MROH2A: variants seen among roughly 807,000 people sequenced by gnomAD.
MROH2A encodes the protein maestro heat like repeat family member 2A.
Under a neutral mutation model 200.4 loss-of-function variants are expected in MROH2A, and 174 were observed. That is an observed-to-expected ratio of 0.87 (90% CI 0.77 to 0.98). The LOEUF is 0.98. Among genes scored for constraint, MROH2A ranks in the 50% least tolerant of loss-of-function variants. MROH2A has a pLI of 0.00. For synonymous variants in MROH2A, 829 were observed against 840.4 expected (o/e 0.99, Z 0.23); for missense variants, 2,045 against 2,139.6 (o/e 0.96, Z 0.87).
intron 35 of MROH2A, 116 bp downstream of exon 35, chr2:233,823,780 C>T: frequency 7.5e-7 from 1 of 1,341,570 alleles, no homozygotes; most frequent in South Asian, 1.4e-5. Flanking sequence ...GGCGAGCGCC[C>T]CTCCTCTGAG....
At chr2:233,798,268 T>C (rs907115250) in intron 11 of MROH2A, among the ~76,000 whole-genome samples, 3 of 152,322 alleles carry the variant, frequency 2.0e-5, no homozygotes, top group Admixed American at 2.0e-4. Context: ...CTGTGTTAAC[T>C]CTGTGAGAGA....
upstream of MROH2A, among the ~76,000 whole-genome samples, chr2:233,777,411 T>C (rs1393836045): frequency 6.6e-6 from 1 of 151,982 alleles, no homozygotes; most frequent in Non-Finnish European, 1.5e-5. Flanking sequence ...TGGGAGGAGG[T>C]AGTGCAGAGG....
chr2:233,793,700 A>T lies in MROH2A; in HGVS notation c.698A>T (p.Gln233Leu). The T allele has an allele frequency of 8.9e-6, 13 of 1,453,886 alleles. No homozygotes were observed. Among genetic ancestry groups the T allele is most frequent in the South Asian group, 1.5e-5 (1 of 67,600 alleles). 90.1% of individuals were successfully genotyped at this position (1,453,886 alleles called of 1,614,324 possible). A position where few individuals can be genotyped will look rare whatever the true frequency, so the allele number is the denominator to read the frequency against. Residue 233 changes from glutamine to leucine, a missense_variant, in exon 7 of 42, where the codon CAG becomes CTG. This residue lies in a region of MROH2A where 831 missense variants were observed against 800.0 expected (regional missense o/e 1.04). Transcript: ENST00000389758. Reference protein sequence around the residue: ...SAMETFCETVQFYLKHLEESV... With the variant: ...SAMETFCETVLFYLKHLEESV... ...ATGGAGACCTTCTGTGAGACGGTGC[A>T]GTTTTATCTGAAGCACCTGGAGGAG... is the stretch of plus-strand genomic sequence containing the variant.
At chr2:233,781,933 C>T (rs1700975114) in intron 3 of MROH2A, among the ~76,000 whole-genome samples, 1 of 152,168 alleles carries the variant, frequency 6.6e-6, no homozygotes, top group Non-Finnish European at 1.5e-5. Flanking sequence ...TTTCATTCTT[C>T]TGCATATGGT....
chr2:233,833,331 AAGTTT>A lies in MROH2A; in HGVS notation c.*78_*82del. The A allele has an allele frequency of 7.0e-7, 1 of 1,418,790 alleles. No homozygotes were observed. The highest frequency in any genetic ancestry group is 9.3e-7 in the Non-Finnish European group (1 of 1,077,186). The allele number at this position is 1,418,790 out of a possible 1,614,324, so 87.9% of individuals were successfully genotyped here. A position where few individuals can be genotyped will look rare whatever the true frequency, so the allele number is the denominator to read the frequency against. On this transcript the variant is annotated 3_prime_UTR_variant, in exon 42 of 42. Coordinates refer to ENST00000389758, the MANE Select transcript of MROH2A (RefSeq NM_001394639.1). ...AGCCCTTTTTAATTTAGTTTGTAAG[AAGTTT>A]AGTTTGTAGGAAAAACACTATTGTA...
chr2:233,824,388 G>A (rs1317848554), intron 35 of MROH2A, among the ~76,000 whole-genome samples: 1 of 152,224 alleles, frequency 6.6e-6, no homozygotes, highest in Non-Finnish European at 1.5e-5. Context: ...AGACCAGTCT[G>A]GGAGGTACTC....
upstream of MROH2A, among the ~76,000 whole-genome samples, chr2:233,777,703 C>A (rs566738389): frequency 2.0e-4 from 30 of 152,312 alleles, no homozygotes; most frequent in African/African-American, 6.7e-4. Context: ...TCCACTTAAG[C>A]AACCTTGGCC....
At chr2:233,814,435 C>T (rs1703377140) in intron 25 of MROH2A, 147 bp from the exon 26 acceptor site, 2 of 594,406 alleles carry the variant, frequency 3.4e-6, no homozygotes, top group East Asian at 5.9e-5. Flanking sequence ...TCTTGTACTT[C>T]ACTTGAGAAA....
rs775756590 is a variant in MROH2A at position 233,796,036 on chromosome 2, G to A, written c.1129G>A (p.Val377Ile). 3.9e-5 allele frequency: 60 copies of A among 1,550,420 alleles called. 1 individual carries two copies. In the South Asian group the frequency reaches 5.1e-4, roughly 13 times the overall value. ...TCTGATGGAGATGGTGCACTGCTTC[G>A]TAGCCCTTGGTGAGGCTCTGCGGCA... ...QNLMEMVHCF[V>I]ALARSYPKEL... Residue 377 changes from valine (V) to isoleucine (I), a missense_variant, in exon 10 of 42, where the codon GTA becomes ATA. Val to Ile is a conservative substitution (Grantham distance 29). Transcript: ENST00000389758.
Position 233,807,660 on chromosome 2 carries a change from C to T in MROH2A, c.2173-73C>T, listed in dbSNP as rs1013542465. ...TGTGTGTACATGTGTGTGTGCCTTG[C>T]ACGTGTGTGTGTGGGATCCTCCTCT... is the stretch of plus-strand genomic sequence containing the variant. On this transcript the variant is annotated intron_variant, in intron 20 of 41. Coordinates refer to ENST00000389758, the MANE Select transcript of MROH2A (RefSeq NM_001394639.1). This position sits in a 1 kb window ranked among gnomAD's most constrained non-coding sequence, Gnocchi z 4.3. 70 of 1,547,472 alleles carry T rather than the reference C, an allele frequency of 4.5e-5. No homozygotes were observed. Among genetic ancestry groups the T allele is most frequent in the Non-Finnish European group, 5.9e-5 (68 of 1,145,396 alleles).
At chr2:233,785,158 A>G (rs1311508342) in intron 3 of MROH2A, among the ~76,000 whole-genome samples, 1 of 151,646 alleles carries the variant, frequency 6.6e-6, no homozygotes, top group Non-Finnish European at 1.5e-5. Flanking sequence ...AAAAAAAAAA[A>G]TGTAGGCTTT....
At chr2:233,809,656 C>T (rs1287585348) in intron 22 of MROH2A, among the ~76,000 whole-genome samples, 3 of 152,162 alleles carry the variant, frequency 2.0e-5, no homozygotes, top group Admixed American at 6.5e-5. Context: ...TGCAAAGGAA[C>T]TGGCTATTTT....
chr2:233,830,295 C>T (rs189704226), intron 38 of MROH2A, among the ~76,000 whole-genome samples: 34 of 152,242 alleles, frequency 2.2e-4, no homozygotes, highest in East Asian at 3.9e-4. Context: ...AGGCTAACCC[C>T]GGCTGGCTGG....
At position 233,833,161 on chromosome 2, in the gene MROH2A, C is replaced by T. The variant is rs544792774; in HGVS notation, c.4927C>T (p.Pro1643Ser). 242 of 1,549,076 alleles carry T rather than the reference C, an allele frequency of 1.6e-4. No homozygotes were observed. In the Middle Eastern group the frequency reaches 2.3e-3, roughly 15 times the overall value. The change falls in exon 42 of 42, where the codon CCG becomes TCG. Residue 1643 changes from proline (P) to serine (S), a missense_variant. Transcript: ENST00000389758. ...AGCCCTCCAGGAACTACAGCTGGAC[C>T]CGGATCCCGGGGTCAGGAGGGCAGC... Reference protein sequence around the residue: ...RNSLQELQLDPDPGVRRAALE... With the variant: ...RNSLQELQLDSDPGVRRAALE...
intron 13 of MROH2A, 53 bp downstream of exon 13, chr2:233,799,952 C>T: frequency 6.5e-7 from 1 of 1,548,686 alleles, no homozygotes; most frequent in Non-Finnish European, 8.7e-7. Flanking sequence ...GAAATGGTTT[C>T]CACAGTGCTG....
At chr2:233,811,256 C>T (rs1171343060) in intron 23 of MROH2A, among the ~76,000 whole-genome samples, 1 of 152,198 alleles carries the variant, frequency 6.6e-6, no homozygotes, top group Non-Finnish European at 1.5e-5. Flanking sequence ...GCCTTAGGGG[C>T]AGGGATCTGC....
chr2:233,802,595 C>T (rs558963831), intron 15 of MROH2A: 2 of 332,014 alleles, frequency 6.0e-6, no homozygotes, highest in African/African-American at 2.0e-5. Flanking sequence ...TTGGGAGCTC[C>T]TGGCCCAGCC....
At chr2:233,798,587 C>T (rs778129394) in intron 11 of MROH2A, among the ~76,000 whole-genome samples, 187 bp from the exon 12 acceptor site, 24 of 152,172 alleles carry the variant, frequency 1.6e-4, no homozygotes, top group Non-Finnish European at 2.9e-4. Flanking sequence ...GCCAAGGGAA[C>T]GAGGCGTGGA....
chr2:233,822,638 C>A (rs1704024042), intron 33 of MROH2A, 82 bp downstream of exon 33: 1 of 1,394,406 alleles, frequency 7.2e-7, no homozygotes, highest in Non-Finnish European at 9.7e-7. Context: ...CCAGTGGACT[C>A]CAGTGAGGGG....
Sources: allele counts gnomAD v4.1 joint callset (sites outside exome capture counted in the v4.1 genomes callset), GRCh38; gene constraint gnomAD v4.1.1; regional missense constraint gnomAD v4.1.1; non-coding constraint Gnocchi (gnomAD v3.1); transcripts MANE v1.5; gene names NCBI Gene and HGNC (gene_info 2026-07-23, HGNC 2026-07-21).